ELAC1: variants seen among roughly 807,000 people sequenced by gnomAD.
ELAC1 encodes the protein zinc phosphodiesterase ELAC protein 1.
Under a neutral mutation model 25.8 loss-of-function variants are expected in ELAC1, and 19 were observed. The ratio of observed to expected loss-of-function variants is 0.74; its 90% confidence interval spans 0.51 to 1.08. The LOEUF (loss-of-function observed/expected upper bound fraction) is 1.08. Among genes scored for constraint, ELAC1 ranks in the 50% least tolerant of loss-of-function variants. The pLI, the probability that ELAC1 is intolerant of heterozygous loss-of-function variation, is 0.00. For synonymous variants in ELAC1, 148 were observed against 160.9 expected (o/e 0.92, Z 0.61); for missense variants, 403 against 434.6 (o/e 0.93, Z 0.65).
intron 1 of ELAC1, among the ~76,000 whole-genome samples, chr18:50,974,032 C>T (rs1333711958): frequency 6.6e-6 from 1 of 152,186 alleles, no homozygotes; most frequent in Admixed American, 6.5e-5. Flanking sequence ...TTAAACATCC[C>T]CTGTGCTCTG....
rs373862095 is a variant in ELAC1, at chr18:50,984,273, C to T, written c.335C>T (p.Thr112Met). 10 of 1,614,168 alleles carry T rather than the reference C, an allele frequency of 6.2e-6. 1 individual carries two copies. Among genetic ancestry groups the T allele is most frequent in the African/African-American group, 2.7e-5 (2 of 75,040 alleles). ...FIWRTMELSHTELVFHYVVHE... is the reference protein window; with the variant it reads ...FIWRTMELSHMELVFHYVVHE... ...TGGCGAACCATGGAACTCTCTCACA[C>T]GGAGCTGGTCTTCCATTATGTGGTT... The change falls in exon 3 of 4, where the codon ACG (threonine) becomes ATG (methionine). Residue 112 changes from threonine (T) to methionine (M), a missense_variant. By Grantham distance (81) the Thr-to-Met change is moderately conservative. Transcript: ENST00000269466.
intron 3 of ELAC1, among the ~76,000 whole-genome samples, chr18:50,985,607 TTG>T (rs1318232341): frequency 6.6e-6 from 1 of 152,252 alleles, no homozygotes; most frequent in Non-Finnish European, 1.5e-5. Flanking sequence ...CAGTGGCATT[TTG>T]TGTGTGTTTG....
Position 50,987,231 on chromosome 18 carries a change from A to G in ELAC1, c.*146A>G, listed in dbSNP as rs887585535. The G allele has an allele frequency of 3.7e-6, 2 of 536,066 alleles. No homozygotes were observed. The highest frequency in any genetic ancestry group is 7.4e-5 in the South Asian group (1 of 13,490). The allele number at this position is 536,066 out of a possible 1,614,324, so 33.2% of individuals were successfully genotyped here. A position where few individuals can be genotyped will look rare whatever the true frequency, so the allele number is the denominator to read the frequency against. ...TGGAGCTGCATTGATGAATTGGCTC[A>G]GTATTTAAAGGGAGCAAACTTTTTG... On this transcript the variant is annotated 3_prime_UTR_variant, in exon 4 of 4. Transcript: ENST00000269466.
At position 50,970,953 on chromosome 18, in the gene ELAC1, C is replaced by G. The variant is rs572641448; in HGVS notation, c.-9+2839C>G. On this transcript the variant is annotated intron_variant, in intron 1 of 3. Coordinates refer to ENST00000269466, the MANE Select transcript of ELAC1 (RefSeq NM_018696.3). ...AAAAACGAGATCATACCATAGCCAT[C>G]TGTAACTTTTCTCCTTGTCATCCCT... 7.2e-5 allele frequency among the ~76,000 whole-genome samples: 11 copies of G among 152,268 alleles called. No homozygotes were observed. In the East Asian group the frequency reaches 1.9e-3, roughly 27 times the overall value.
chr18:50,978,375 C>T (rs1044790658), intron 2 of ELAC1, among the ~76,000 whole-genome samples: 11 of 152,038 alleles, frequency 7.2e-5, no homozygotes, highest in African/African-American at 2.2e-4. Context: ...ATCGCAGTTC[C>T]GCAAGGCTGG....
chr18:50,979,841 C>T (rs2144316755), intron 2 of ELAC1, among the ~76,000 whole-genome samples: 1 of 152,228 alleles, frequency 6.6e-6, no homozygotes, highest in Non-Finnish European at 1.5e-5. Flanking sequence ...ATTCTTATGC[C>T]TCAGCCTCCT....
chr18:50,969,446 C>T (rs1204270475), intron 1 of ELAC1: 1 of 152,126 alleles, frequency 6.6e-6, no homozygotes, highest in South Asian at 2.1e-4. Context: ...TTGTATCATA[C>T]CAGGAGTTAG....
intron 1 of ELAC1, chr18:50,968,929 T>G (rs1368270523): frequency 6.6e-6 from 1 of 152,242 alleles, no homozygotes; most frequent in African/African-American, 2.4e-5. Flanking sequence ...GAATAGTAAC[T>G]GAACTCCCAA....
rs775354967 is a variant in ELAC1 at position 50,987,026 on chromosome 18, C to T, written c.1033C>T (p.Leu345Phe). Residue 345 changes from leucine to phenylalanine, a missense_variant, in exon 4 of 4, where the codon CTC (leucine) becomes TTC (phenylalanine). Coordinates refer to ENST00000269466, the MANE Select transcript of ELAC1 (RefSeq NM_018696.3). ...LKKQAESVLDLQEVTLAEDFM... is the reference protein window; with the variant it reads ...LKKQAESVLDFQEVTLAEDFM... ...AAAGCAAGCTGAATCAGTGTTAGAT[C>T]TCCAAGAAGTGACTCTAGCAGAAGA... 3 of 1,599,636 alleles carry T rather than the reference C, an allele frequency of 1.9e-6. No homozygotes were observed. Among genetic ancestry groups the T allele is most frequent in the Admixed American group, 3.5e-5 (2 of 56,724 alleles).
At chr18:50,982,213 C>T (rs1907970187) in intron 2 of ELAC1, among the ~76,000 whole-genome samples, 2 of 152,002 alleles carry the variant, frequency 1.3e-5, no homozygotes, top group South Asian at 4.2e-4. Flanking sequence ...GCAACCCGGA[C>T]AGGGAGACGG....
intron 2 of ELAC1, among the ~76,000 whole-genome samples, chr18:50,976,440 C>T (rs942641002): frequency 2.0e-5 from 3 of 152,178 alleles, no homozygotes; most frequent in African/African-American, 7.2e-5. Flanking sequence ...GCGTGTCTTA[C>T]GTGGTGGCAG....
Position 50,984,348 on chromosome 18 carries a change from A to C in ELAC1, c.410A>C (p.Glu137Ala). 1 of 1,614,216 alleles carries C rather than the reference A, an allele frequency of 6.2e-7. No individual in the cohort carries two copies. Among genetic ancestry groups the C allele is most frequent in the Non-Finnish European group, 8.5e-7 (1 of 1,180,034 alleles). Residue 137 changes from glutamate (E) to alanine (A), a missense_variant, in exon 3 of 4, where the codon GAA becomes GCA. Coordinates refer to ENST00000269466, the MANE Select transcript of ELAC1 (RefSeq NM_018696.3). ...CAATGTCCTGCAGAAGAACTAAAAG[A>C]ATTTGCGCATGTGAATAGAGCAGAC... ...ADQCPAEELK[E>A]FAHVNRADSP...
At chr18:50,982,933 T>A (rs1907992134) in intron 2 of ELAC1, among the ~76,000 whole-genome samples, 1 of 152,114 alleles carries the variant, frequency 6.6e-6, no homozygotes, top group African/African-American at 2.4e-5. Flanking sequence ...GATTGGTTAA[T>A]CGCTGTCCAG....
In ELAC1 at chr18:50,987,144, C is replaced by G. The variant is rs956390190; in HGVS notation, c.*59C>G. On this transcript the variant is annotated 3_prime_UTR_variant, in exon 4 of 4. Coordinates refer to ENST00000269466, the MANE Select transcript of ELAC1 (RefSeq NM_018696.3). ...GTGAATATGTTACTGAACCTATAGT[C>G]CAGTTTTTTTATTTCTTGTTTTAGT... The G allele has an allele frequency of 1.5e-5, 19 of 1,226,152 alleles. No individual in the cohort carries two copies. The highest frequency in any genetic ancestry group is 2.1e-5 in the Non-Finnish European group (19 of 909,128). 76.0% of individuals were successfully genotyped at this position (1,226,152 alleles called of 1,614,324 possible).
At chr18:50,978,856 G>A (rs1396648838) in intron 2 of ELAC1, among the ~76,000 whole-genome samples, 2 of 152,224 alleles carry the variant, frequency 1.3e-5, no homozygotes, top group African/African-American at 4.8e-5. Context: ...GTTGGAGGAA[G>A]GAGCTAATGC....
chr18:50,974,117 T>A (rs1907731769), intron 1 of ELAC1, among the ~76,000 whole-genome samples: 1 of 152,248 alleles, frequency 6.6e-6, no homozygotes, highest in Non-Finnish European at 1.5e-5. Flanking sequence ...TTTTGCCTTT[T>A]TGAGAACATC....
In ELAC1 at chr18:50,974,428, G is replaced by A; in HGVS notation, c.24G>A (p.Leu8=). The A allele has an allele frequency of 6.4e-7, 1 of 1,553,710 alleles. No individual in the cohort carries two copies. The highest frequency in any genetic ancestry group is 8.7e-7 in the Non-Finnish European group (1 of 1,152,006). Reference sequence around the variant, plus strand: ...AGATGTCTATGGATGTGACATTCCTGGGGACGGGTGCAGCATACCCATCTC... The same window carrying A: ...AGATGTCTATGGATGTGACATTCCTAGGGACGGGTGCAGCATACCCATCTC... The part of the protein sequence containing the change: MSMDVTF[L]GTGAAYPSPT... Residue 8 remains leucine (L), a synonymous_variant, in exon 2 of 4, where the codon CTG becomes CTA. Transcript: ENST00000269466.
At chr18:50,970,599 G>T (rs1426313006) in intron 1 of ELAC1, among the ~76,000 whole-genome samples, 1 of 151,744 alleles carries the variant, frequency 6.6e-6, no homozygotes, top group Admixed American at 6.6e-5. Flanking sequence ...GAGGGTTGGG[G>T]GCAGGAAATA....
In ELAC1 at chr18:50,984,341, C is replaced by G; in HGVS notation, c.403C>G (p.Leu135Val). 1 of 1,614,164 alleles carries G rather than the reference C, an allele frequency of 6.2e-7. No individual in the cohort carries two copies. Among genetic ancestry groups the G allele is most frequent in the Non-Finnish European group, 8.5e-7 (1 of 1,180,010 alleles). ...PTADQCPAEE[L>V]KEFAHVNRAD... is the part of the protein sequence containing the mutation. ...AGCAGATCAATGTCCTGCAGAAGAA[C>G]TAAAAGAATTTGCGCATGTGAATAG... Residue 135 changes from leucine (L) to valine (V), a missense_variant, in exon 3 of 4, where the codon CTA becomes GTA. Leu to Val is a conservative substitution (Grantham distance 32). Coordinates refer to ENST00000269466, the MANE Select transcript of ELAC1 (RefSeq NM_018696.3).
Sources: allele counts gnomAD v4.1 joint callset (sites outside exome capture counted in the v4.1 genomes callset), GRCh38; gene constraint gnomAD v4.1.1; transcripts MANE v1.5; gene names NCBI Gene and HGNC (gene_info 2026-07-23, HGNC 2026-07-21).